The following GLT1D1 variants were observed in gnomAD, a reference collection of about 807,000 sequenced individuals.
The protein encoded by GLT1D1 is glycosyltransferase 1 domain containing 1, also known as glycosyltransferase 1 domain-containing protein 1.
A neutral mutation model predicts 28.7 loss-of-function variants in GLT1D1; 21 were observed. The ratio of observed to expected loss-of-function variants is 0.73; its 90% CI spans 0.52 to 1.05. GLT1D1 has a LOEUF of 1.05. Among genes scored for constraint, GLT1D1 ranks in the 50% least tolerant of loss-of-function variants. The probability of loss-of-function intolerance (pLI) is 0.00; values close to 1 mark genes in which losing one functional copy is unlikely to be tolerated. For synonymous variants in GLT1D1, 147 were observed against 124.8 expected (o/e 1.18, Z -1.19); for missense variants, 343 against 330.6 (o/e 1.04, Z -0.29).
chr12:128,907,032 T>G (rs1309737642), intron 4 of GLT1D1: 6 of 695,750 alleles, frequency 8.6e-6, no homozygotes, highest in Non-Finnish European at 1.6e-5. Flanking sequence ...CCCTAAAGTC[T>G]GCAGTAGAAG....
intron 4 of GLT1D1, among the ~76,000 whole-genome samples, chr12:128,932,793 G>C (rs1874073605): frequency 6.6e-6 from 1 of 151,766 alleles, no homozygotes; most frequent in Non-Finnish European, 1.5e-5. Flanking sequence ...CCTGGTTTAA[G>C]ATCCGGCTCT....
intron 2 of GLT1D1, among the ~76,000 whole-genome samples, chr12:128,886,845 ACT>A (rs1485179468): frequency 6.6e-6 from 1 of 151,582 alleles, no homozygotes; most frequent in Non-Finnish European, 1.5e-5. Context: ...AAAAATCTTC[ACT>A]CTGTCTCAAC....
chr12:128,860,729 C>T (rs536830298), intron 1 of GLT1D1, among the ~76,000 whole-genome samples: 1 of 152,168 alleles, frequency 6.6e-6, no homozygotes, highest in Admixed American at 6.5e-5. Context: ...CAGAATAGAC[C>T]GTTTTGTGTG....
intron 4 of GLT1D1, chr12:128,944,359 C>T (rs542979851): frequency 1.2e-6 from 1 of 866,260 alleles, no homozygotes; most frequent in Admixed American, 1.8e-5. Flanking sequence ...GGTTTCTGTT[C>T]TGGAGAATGT....
intron 7 of GLT1D1, among the ~76,000 whole-genome samples, chr12:128,976,387 G>T (rs1347651817): frequency 6.6e-6 from 1 of 152,152 alleles, no homozygotes; most frequent in African/African-American, 2.4e-5. Flanking sequence ...CCCTTAGAGA[G>T]TCTTACAGCA....
At chr12:128,918,741 G>A (rs1872352889) in intron 4 of GLT1D1, among the ~76,000 whole-genome samples, 1 of 152,286 alleles carries the variant, frequency 6.6e-6, no homozygotes, top group Non-Finnish European at 1.5e-5. Flanking sequence ...CTGTTGTAAG[G>A]TTAGTCTGTC....
intron 1 of GLT1D1, among the ~76,000 whole-genome samples, chr12:128,855,241 A>AAAC (rs1184323444): frequency 1.8e-4 from 25 of 139,712 alleles, no homozygotes; most frequent in African/African-American, 5.4e-4. Flanking sequence ...AAAAAAAAAA[A>AAAC]AACAACAACA....
intron 4 of GLT1D1, among the ~76,000 whole-genome samples, chr12:128,905,260 C>T (rs1465197094): frequency 6.6e-6 from 1 of 152,224 alleles, no homozygotes. Context: ...CTTTGAAATC[C>T]TGTGTGTATT....
In GLT1D1 at chr12:128,872,493, A is replaced by G. The variant is rs143949591; in HGVS notation, c.69-3421A>G. 4.9e-4 allele frequency among the ~76,000 whole-genome samples: 75 copies of G among 152,244 alleles called. 1 individual carries two copies. The highest frequency in any genetic ancestry group is 1.6e-3 in the African/African-American group (66 of 41,552). The stretch of plus-strand genomic sequence containing the variant: ...TCAGCGGCGTGGAGACTCAAGAAGG[A>G]AGCGTGATGTGCCAGAGGTCCTGCT... On this transcript the variant is annotated intron_variant, in intron 1 of 7. Coordinates refer to ENST00000281703, the MANE Select transcript of GLT1D1 (RefSeq NM_144669.3).
chr12:128,956,721 C>T (rs1877350130), intron 6 of GLT1D1, among the ~76,000 whole-genome samples: 1 of 152,208 alleles, frequency 6.6e-6, no homozygotes, highest in Non-Finnish European at 1.5e-5. Flanking sequence ...TTTCCTCCTC[C>T]TCCTCCTCTT....
intron 4 of GLT1D1, among the ~76,000 whole-genome samples, chr12:128,942,182 A>G (rs2135482250): frequency 6.6e-6 from 1 of 151,972 alleles, no homozygotes; most frequent in East Asian, 1.9e-4. Flanking sequence ...GGGGTGGAGC[A>G]GGCCCTGTGA....
intron 1 of GLT1D1, among the ~76,000 whole-genome samples, chr12:128,874,224 C>G (rs1418266283): frequency 6.7e-6 from 1 of 148,672 alleles, no homozygotes; most frequent in Non-Finnish European, 1.5e-5. Flanking sequence ...CTCTGTTGCC[C>G]AGGCTGGAGT....
In GLT1D1 at chr12:128,865,589, G is replaced by A. The variant is rs377247583; in HGVS notation, c.69-10325G>A. On this transcript the variant is annotated intron_variant, in intron 1 of 7. Transcript: ENST00000281703. ...TGTAATCCCAGCACTTTGGGAGGCC[G>A]AATTGGGCAGATCACCTGAGGTCAG... Among the ~76,000 whole-genome samples the A allele has an allele frequency of 4.6e-5, 7 of 152,272 alleles. No homozygotes were observed. The South Asian group carries it at 6.2e-4, about 14-fold the overall frequency.
At chr12:128,945,491 A>C in intron 5 of GLT1D1, 122 bp downstream of exon 9, 1 of 846,172 alleles carries the variant, frequency 1.2e-6, no homozygotes, top group Admixed American at 1.8e-5. Context: ...CTGTTTCCTC[A>C]TGCATCTTCC....
chr12:128,867,253 C>T (rs560960736), intron 1 of GLT1D1, among the ~76,000 whole-genome samples: 64 of 151,534 alleles, frequency 4.2e-4, no homozygotes, highest in African/African-American at 1.4e-3. Flanking sequence ...ATTAGCCGGG[C>T]GTGGTGGCGA....
rs531875290 is a variant in GLT1D1, at chr12:128,982,451, A to G, written c.640-478A>G. On this transcript the variant is annotated intron_variant, in intron 7 of 7. Coordinates refer to ENST00000281703, the MANE Select transcript of GLT1D1 (RefSeq NM_144669.3). The stretch of plus-strand genomic sequence containing the variant: ...TGAAGACAGGCTTGGCTCTGCACCC[A>G]GGGAAGAGGACAGAACAACACAAAG... Among the ~76,000 whole-genome samples the G allele has an allele frequency of 1.2e-4, 19 of 152,324 alleles. No individual in the cohort carries two copies. In the South Asian group the frequency reaches 3.3e-3, roughly 27 times the overall value.
chr12:128,921,194 GT>G (rs58436712), intron 4 of GLT1D1, among the ~76,000 whole-genome samples: 139 of 143,880 alleles, frequency 9.7e-4, no homozygotes, highest in Non-Finnish European at 9.4e-4. Context: ...CTTTCTTTTA[GT>G]TTTTTTTTTT....
In GLT1D1 at chr12:128,956,171, A is replaced by AAAAAAAAAAAAAAAAAAAG. The variant is rs374597920; in HGVS notation, c.541-1373_541-1372insAAAAAAAAAAAAAAAAAGA. ...GAGACTCCATCTCAAAAAAAAAAAAAAGAGAAAGAGAGAAAGAAAGAAAGA... is the reference window on the plus strand; with the variant it reads ...GAGACTCCATCTCAAAAAAAAAAAAAAAAAAAAAAAAAAAAAAAGAGAGAAAGAGAGAAAGAAAGAAAGA... On this transcript the variant is annotated intron_variant, in intron 6 of 7. Transcript: ENST00000281703. Among the ~76,000 whole-genome samples, 536 of 63,760 alleles carry AAAAAAAAAAAAAAAAAAAG rather than the reference A, an allele frequency of 8.4e-3. 67 individuals carry two copies. The highest frequency in any genetic ancestry group is 0.013 in the Admixed American group (59 of 4,686). The allele number at this position is 63,760 out of a possible 152,430, so 41.8% of individuals were successfully genotyped here.
At chr12:128,954,208 C>T (rs1877034333) in intron 6 of GLT1D1, among the ~76,000 whole-genome samples, 1 of 151,610 alleles carries the variant, frequency 6.6e-6, no homozygotes. Flanking sequence ...ACTGCAAGCT[C>T]CACCTCCCAG....
Sources: allele counts gnomAD v4.1 joint callset (sites outside exome capture counted in the v4.1 genomes callset), GRCh38; gene constraint gnomAD v4.1.1; transcripts MANE v1.5; gene names NCBI Gene and HGNC (gene_info 2026-07-23, HGNC 2026-07-21).